Variants in PCDH11X observed in about 807,000 individuals in gnomAD.
PCDH11X encodes protocadherin 11 X-linked.
Under a neutral mutation model 53.3 loss-of-function variants are expected in PCDH11X, and 18 were observed. The ratio of observed to expected loss-of-function variants is 0.34; its 90% CI spans 0.23 to 0.50. The LOEUF (loss-of-function observed/expected upper bound fraction) is 0.50. Among genes scored for constraint, PCDH11X ranks in the 20% least tolerant of loss-of-function variants. The pLI, the probability that PCDH11X is intolerant of heterozygous loss-of-function variation, is 0.98. For synonymous variants in PCDH11X, 279 were observed against 393.3 expected (o/e 0.71, Z 3.44); for missense variants, 570 against 1,032.4 (o/e 0.55, Z 6.14).
chrX:92,347,635 A>C lies in PCDH11X; in HGVS notation c.3145-40100A>C, dbSNP rs1265381989. Among the ~76,000 whole-genome samples, 12 of 111,777 alleles carry C rather than the reference A, an allele frequency of 1.1e-4. No individual in the cohort carries two copies. The East Asian group carries it at 3.4e-3, about 32-fold the overall frequency. ...ACATAGTTCATCACAACCTATTTCCATTCTTGCAGATGAGGGTCTTGGATT... is the reference window on the plus strand; with the variant it reads ...ACATAGTTCATCACAACCTATTTCCCTTCTTGCAGATGAGGGTCTTGGATT... On this transcript the variant is annotated intron_variant, in intron 8 of 10. Coordinates refer to ENST00000682573, the MANE Select transcript of PCDH11X (RefSeq NM_032968.5).
intron 8 of PCDH11X, among the ~76,000 whole-genome samples, chrX:92,311,774 C>T (rs1325230420): frequency 9.1e-6 from 1 of 110,316 alleles, no homozygotes; most frequent in Non-Finnish European, 1.9e-5. Context: ...CCGTGATATT[C>T]AGTTTTATAA....
intron 6 of PCDH11X, among the ~76,000 whole-genome samples, chrX:92,147,750 A>G (rs1432056460): frequency 5.5e-5 from 6 of 108,287 alleles, no homozygotes; most frequent in Non-Finnish European, 1.2e-4. Context: ...CTCTCCTACC[A>G]TGTAGTCACA....
chrX:92,465,217 T>C (rs1396075957), intron 9 of PCDH11X, among the ~76,000 whole-genome samples: 3 of 111,767 alleles, frequency 2.7e-5, no homozygotes, highest in Non-Finnish European at 5.7e-5. Context: ...TCTTGACTGA[T>C]CAGATTTTAT....
At chrX:92,109,543 C>T (rs1242807457) in intron 6 of PCDH11X, among the ~76,000 whole-genome samples, 1 of 111,246 alleles carries the variant, frequency 9.0e-6, no homozygotes, top group African/African-American at 3.3e-5. Context: ...GTGGTATCAG[C>T]TAATCCATCA....
intron 10 of PCDH11X, among the ~76,000 whole-genome samples, chrX:92,484,167 GTATATATATGTATGTATA>G (rs2073577976): frequency 1.4e-4 from 5 of 35,096 alleles, no homozygotes; most frequent in Non-Finnish European, 2.8e-4. Context: ...ATGTATATAT[GTATATATATGTATGTATA>G]TATATGTATA....
chrX:91,882,941 G>A, intron 6 of PCDH11X: 1 of 1,184,588 alleles, frequency 8.4e-7, no homozygotes, highest in Non-Finnish European at 1.1e-6. Flanking sequence ...GAAATCTGCA[G>A]TGAGATATAA....
chrX:92,512,783 T>C, intron 10 of PCDH11X, among the ~76,000 whole-genome samples: 1 of 111,752 alleles, frequency 8.9e-6, no homozygotes, highest in Non-Finnish European at 1.9e-5. Flanking sequence ...GGCAACATCA[T>C]GTAGTGGTTA....
rs996417106 is a variant in PCDH11X, at chrX:92,619,240, C to A, written c.*300C>A. ...GTACAGTATTTTTTGTTGTTTTTATCATCATGTGCAATATTACTGATTTGT... is the reference window on the plus strand; with the variant it reads ...GTACAGTATTTTTTGTTGTTTTTATAATCATGTGCAATATTACTGATTTGT... On this transcript the variant is annotated 3_prime_UTR_variant, in exon 11 of 11. Coordinates refer to ENST00000682573, the MANE Select transcript of PCDH11X (RefSeq NM_032968.5). The A allele has an allele frequency of 1.4e-5, 5 of 348,627 alleles. No homozygotes were observed. The highest frequency in any genetic ancestry group is 4.0e-5 in the South Asian group (1 of 25,134). The allele number at this position is 348,627 out of a possible 1,213,427, so 28.7% of individuals were successfully genotyped here.
intron 8 of PCDH11X, among the ~76,000 whole-genome samples, chrX:92,347,708 G>A (rs1411812890): frequency 2.7e-5 from 3 of 111,514 alleles, no homozygotes; most frequent in Non-Finnish European, 3.8e-5. Context: ...TAACCTCATA[G>A]ATAGTTTCTT....
chrX:92,076,706 G>C (rs148608445), intron 6 of PCDH11X, among the ~76,000 whole-genome samples: 1,579 of 111,560 alleles, frequency 0.014, 27 homozygotes, highest in African/African-American at 0.047. Context: ...AATGGCATTT[G>C]GCTTTTTTGT....
chrX:92,028,922 C>A (rs1448573562), intron 6 of PCDH11X, among the ~76,000 whole-genome samples: 1 of 110,243 alleles, frequency 9.1e-6, no homozygotes, highest in Admixed American at 9.8e-5. Context: ...GCTAAAACTG[C>A]AAATTGTGCC....
chrX:92,336,137 G>A (rs1056138174), intron 8 of PCDH11X, among the ~76,000 whole-genome samples: 22 of 111,345 alleles, frequency 2.0e-4, no homozygotes, highest in Non-Finnish European at 3.4e-4. Flanking sequence ...AATAAAAAAA[G>A]GAAGTTGTCA....
chrX:91,804,633 T>C (rs1451905166), intron 1 of PCDH11X, among the ~76,000 whole-genome samples: 1 of 110,840 alleles, frequency 9.0e-6, no homozygotes, highest in Non-Finnish European at 1.9e-5. Flanking sequence ...AGAGAGGGTA[T>C]AGTTCAAAGT....
At chrX:91,861,817 G>A (rs1363851643) in intron 5 of PCDH11X, among the ~76,000 whole-genome samples, 1 of 111,859 alleles carries the variant, frequency 8.9e-6, no homozygotes, top group Non-Finnish European at 1.9e-5. Context: ...TTGGCTGAGG[G>A]TAGGAACTTC....
At chrX:92,350,517 G>A (rs1390091105) in intron 8 of PCDH11X, among the ~76,000 whole-genome samples, 1 of 111,474 alleles carries the variant, frequency 9.0e-6, no homozygotes, top group Non-Finnish European at 1.9e-5. Flanking sequence ...TACCCACCCA[G>A]CTAGGAGTAG....
chrX:92,120,493 CAA>C (rs2064738271), intron 6 of PCDH11X, among the ~76,000 whole-genome samples: 1 of 112,827 alleles, frequency 8.9e-6, no homozygotes, highest in African/African-American at 3.2e-5. Flanking sequence ...CGAAGGTAAA[CAA>C]AGAGATAAGT....
chrX:92,006,113 C>T (rs928688631), intron 6 of PCDH11X, among the ~76,000 whole-genome samples: 28 of 109,073 alleles, frequency 2.6e-4, no homozygotes, highest in East Asian at 1.5e-3. Context: ...GCTTTATGTT[C>T]GATTTCTTTC....
intron 4 of PCDH11X, among the ~76,000 whole-genome samples, chrX:91,828,634 G>A (rs1303572931): frequency 9.0e-6 from 1 of 111,378 alleles, no homozygotes; most frequent in Non-Finnish European, 1.9e-5. Flanking sequence ...TTAGGCTGAG[G>A]CATCTGTTAT....
intron 6 of PCDH11X, among the ~76,000 whole-genome samples, chrX:91,942,022 T>C (rs2147856949): frequency 9.1e-6 from 1 of 110,270 alleles, no homozygotes; most frequent in East Asian, 2.9e-4. Context: ...AGAATTTCCG[T>C]GATGCTACTA....
Sources: allele counts gnomAD v4.1 joint callset (sites outside exome capture counted in the v4.1 genomes callset), GRCh38; gene constraint gnomAD v4.1.1; transcripts MANE v1.5; gene names NCBI Gene and HGNC (gene_info 2026-07-23, HGNC 2026-07-21).